The following RASGRP1 variants were observed in gnomAD, a reference collection of about 807,000 sequenced individuals.
RASGRP1 encodes RAS guanyl releasing protein 1, also known as RAS guanyl-releasing protein 1.
RASGRP1 carries 37 observed loss-of-function variants against 95.1 expected under a neutral mutation model. The ratio of observed to expected loss-of-function variants is 0.39; its 90% CI spans 0.30 to 0.51. RASGRP1 has a LOEUF of 0.51. Among genes scored for constraint, RASGRP1 ranks in the 20% least tolerant of loss-of-function variants. RASGRP1 has a pLI of 0.80. For synonymous variants in RASGRP1, 325 were observed against 353.4 expected (o/e 0.92, Z 0.90); for missense variants, 711 against 965.4 (o/e 0.74, Z 3.49).
rs376682602 is a variant in RASGRP1 at position 38,507,871 on chromosome 15, T to C, written c.1097A>G (p.Tyr366Cys). ...GVHLKDLISL[Y>C]EAMPDYLEDG... ...CTCCAGATAGTCAGGCATGGCTTCATACAGGGAGATGAGGTCCTTGAGATG... is the reference window on the plus strand; with the variant it reads ...CTCCAGATAGTCAGGCATGGCTTCACACAGGGAGATGAGGTCCTTGAGATG... The change falls in exon 9 of 17, where the codon TAT becomes TGT. Residue 366 changes from tyrosine (Y) to cysteine (C), a missense_variant. Tyr to Cys is a radical substitution (Grantham distance 194). Transcript: ENST00000310803. 1.7e-5 allele frequency: 27 copies of C among 1,613,694 alleles called. No individual in the cohort carries two copies. Among genetic ancestry groups the C allele is most frequent in the Non-Finnish European group, 2.3e-5 (27 of 1,179,844 alleles).
At chr15:38,492,764 T>C (rs1890639950) in intron 16 of RASGRP1, among the ~76,000 whole-genome samples, 1 of 152,172 alleles carries the variant, frequency 6.6e-6, no homozygotes, top group Non-Finnish European at 1.5e-5. Context: ...GTGAGTTGTG[T>C]ACTGTACTCG....
Position 38,532,225 on chromosome 15 carries a change from TA to T in RASGRP1, c.221-5822del, listed in dbSNP as rs77053268. ...GTGTCATACTAAAAATTCTAATAAG[TA>T]AAATGTGCAACGCATAATAAAATGT... On this transcript the variant is annotated intron_variant, in intron 2 of 16. Transcript: ENST00000310803. 7.9e-5 allele frequency among the ~76,000 whole-genome samples: 12 copies of T among 152,348 alleles called. No homozygotes were observed. The East Asian group carries it at 2.1e-3, about 27-fold the overall frequency.
intron 5 of RASGRP1, 52 bp from the exon 6 acceptor site, chr15:38,516,402 T>G: frequency 6.5e-7 from 1 of 1,545,572 alleles, no homozygotes. Flanking sequence ...AATAAATCGC[T>G]TTTTGCAAGT....
At chr15:38,521,582 C>G (rs926906868) in intron 3 of RASGRP1, among the ~76,000 whole-genome samples, 3 of 152,182 alleles carry the variant, frequency 2.0e-5, no homozygotes, top group Non-Finnish European at 2.9e-5. Flanking sequence ...TCACTTCATT[C>G]AGGAGCTGAA....
At chr15:38,498,710 G>A in intron 15 of RASGRP1, 84 bp downstream of exon 15, 7 of 1,501,820 alleles carry the variant, frequency 4.7e-6, no homozygotes, top group Non-Finnish European at 6.3e-6. Context: ...CTCAAACACA[G>A]AGTCATGAGG....
chr15:38,497,606 C>T (rs1157068639), intron 15 of RASGRP1, among the ~76,000 whole-genome samples: 1 of 152,154 alleles, frequency 6.6e-6, no homozygotes, highest in Non-Finnish European at 1.5e-5. Context: ...CATTTGCTGT[C>T]ACTGCAACCT....
At chr15:38,562,589 G>A (rs1893854992) in intron 1 of RASGRP1, among the ~76,000 whole-genome samples, 1 of 152,194 alleles carries the variant, frequency 6.6e-6, no homozygotes, top group Non-Finnish European at 1.5e-5. Context: ...GTAGGGGAAA[G>A]GTTTTAAAAA....
chr15:38,563,454 C>A (rs1012846505), intron 1 of RASGRP1, among the ~76,000 whole-genome samples: 3 of 152,180 alleles, frequency 2.0e-5, no homozygotes, highest in Non-Finnish European at 4.4e-5. Context: ...GAAATCCTCT[C>A]CAGGCATAGG....
At chr15:38,542,615 A>G (rs1892912377) in intron 2 of RASGRP1, among the ~76,000 whole-genome samples, 1 of 151,112 alleles carries the variant, frequency 6.6e-6, no homozygotes, top group Admixed American at 6.6e-5. Flanking sequence ...TTCTCAGGGC[A>G]ACATGCAAGG....
At chr15:38,547,958 G>A (rs1380310874) in intron 2 of RASGRP1, among the ~76,000 whole-genome samples, 2 of 150,560 alleles carry the variant, frequency 1.3e-5, no homozygotes, top group Non-Finnish European at 2.9e-5. Flanking sequence ...TAGCATTAAA[G>A]ATTACAAGTT....
At chr15:38,525,891 A>C (rs910213079) in intron 3 of RASGRP1, among the ~76,000 whole-genome samples, 1 of 152,190 alleles carries the variant, frequency 6.6e-6, no homozygotes, top group African/African-American at 2.4e-5. Context: ...GGCACTGGGA[A>C]TCTTTCTTCA....
intron 15 of RASGRP1, among the ~76,000 whole-genome samples, chr15:38,496,674 AT>A (rs1037773300): frequency 4.6e-5 from 7 of 152,300 alleles, no homozygotes; most frequent in Non-Finnish European, 5.9e-5. Context: ...CCCTAAGAGG[AT>A]TTTTTCCCCC....
intron 8 of RASGRP1, among the ~76,000 whole-genome samples, chr15:38,508,686 T>A (rs1392059836): frequency 6.6e-6 from 1 of 152,088 alleles, no homozygotes; most frequent in Non-Finnish European, 1.5e-5. Flanking sequence ...ACATTAGAGG[T>A]TACACCCTGC....
chr15:38,553,565 A>G (rs1410583669), intron 2 of RASGRP1, among the ~76,000 whole-genome samples: 1 of 152,062 alleles, frequency 6.6e-6, no homozygotes, highest in Non-Finnish European at 1.5e-5. Flanking sequence ...TACGGAGTAG[A>G]CCCTCCCAGC....
intron 5 of RASGRP1, among the ~76,000 whole-genome samples, chr15:38,517,167 C>T (rs879581695): frequency 2.0e-5 from 3 of 152,142 alleles, no homozygotes; most frequent in Non-Finnish European, 4.4e-5. Flanking sequence ...ATATTACACA[C>T]TCTGAAAAGC....
At chr15:38,559,257 G>C (rs2141198993) in intron 2 of RASGRP1, among the ~76,000 whole-genome samples, 1 of 152,320 alleles carries the variant, frequency 6.6e-6, no homozygotes, top group East Asian at 1.9e-4. Flanking sequence ...ACAGAGTGCA[G>C]CGTCTGAAAT....
intron 14 of RASGRP1, among the ~76,000 whole-genome samples, chr15:38,499,616 C>G (rs1316927660): frequency 6.6e-6 from 1 of 152,220 alleles, no homozygotes; most frequent in Non-Finnish European, 1.5e-5. Context: ...GGGGATGAGA[C>G]TCTGAACTAT....
intron 15 of RASGRP1, among the ~76,000 whole-genome samples, chr15:38,495,945 CAG>C (rs1345853867): frequency 1.3e-5 from 2 of 152,134 alleles, no homozygotes; most frequent in Middle Eastern, 3.4e-3. Flanking sequence ...GAGCTTGGGA[CAG>C]AAATTCAGGC....
At chr15:38,503,401 C>A (rs1188103133) in intron 10 of RASGRP1, 25 bp from the exon 11 acceptor site, 2 of 1,485,654 alleles carry the variant, frequency 1.3e-6, no homozygotes, top group Non-Finnish European at 1.9e-6. Flanking sequence ...TTAGAGAAAT[C>A]CTCATGACTA....
Sources: allele counts gnomAD v4.1 joint callset (sites outside exome capture counted in the v4.1 genomes callset), GRCh38; gene constraint gnomAD v4.1.1; transcripts MANE v1.5; gene names NCBI Gene and HGNC (gene_info 2026-07-23, HGNC 2026-07-21).